KLF8: variants seen among roughly 807,000 people sequenced by gnomAD.
KLF8 encodes the protein KLF transcription factor 8.
A neutral mutation model predicts 18.2 loss-of-function variants in KLF8; 10 were observed. That is an observed-to-expected ratio of 0.55 (90% CI 0.34 to 0.93). The LOEUF is 0.93. Among genes scored for constraint, KLF8 ranks in the 40% least tolerant of loss-of-function variants. KLF8 has a pLI of 0.02. For synonymous variants in KLF8, 109 were observed against 97.3 expected, an observed-to-expected ratio of 1.12 and a Z score of -0.71; for missense variants, 264 against 277.9, an observed-to-expected ratio of 0.95 and a Z score of 0.36.
At chrX:56,020,944 G>A in the KLF8 span, among the ~76,000 whole-genome samples, 1 of 111,474 alleles carries the variant, frequency 9.0e-6, no homozygotes, top group Non-Finnish European at 1.9e-5. Flanking sequence ...TGTTCCCTTT[G>A]CCTCAAATGC....
chrX:56,207,357 C>T, the KLF8 span, among the ~76,000 whole-genome samples: 1 of 112,411 alleles, frequency 8.9e-6, no homozygotes, highest in Non-Finnish European at 1.9e-5. Flanking sequence ...ATTTTATGCT[C>T]TGCTTCCCTT....
chrX:55,976,534 C>G, the KLF8 span, among the ~76,000 whole-genome samples: 5 of 109,344 alleles, frequency 4.6e-5, no homozygotes, highest in African/African-American at 1.7e-4. Context: ...TCACAAATAA[C>G]TTTATTTTTA....
At chrX:56,140,028 G>A in the KLF8 span, among the ~76,000 whole-genome samples, 11 of 111,887 alleles carry the variant, frequency 9.8e-5, no homozygotes, top group African/African-American at 1.9e-4. Flanking sequence ...CTAATCATTA[G>A]AGAAATACAA....
At chrX:56,223,174 G>A in the KLF8 span, among the ~76,000 whole-genome samples, 1 of 113,115 alleles carries the variant, frequency 8.8e-6, no homozygotes, top group Non-Finnish European at 1.9e-5. Flanking sequence ...GGAGTGATAT[G>A]TTATGTGATC....
At chrX:56,017,319 A>G in the KLF8 span, among the ~76,000 whole-genome samples, 1 of 112,397 alleles carries the variant, frequency 8.9e-6, no homozygotes, top group African/African-American at 3.2e-5. Context: ...TCCAAGCACA[A>G]TGGCAGCCAG....
chrX:56,155,868 G>A, the KLF8 span, among the ~76,000 whole-genome samples: 1 of 111,119 alleles, frequency 9.0e-6, no homozygotes, highest in South Asian at 3.8e-4. Flanking sequence ...TTCCGTGTGT[G>A]CTCAATACTT....
the KLF8 span, among the ~76,000 whole-genome samples, chrX:56,059,243 T>C: frequency 8.9e-6 from 1 of 112,268 alleles, no homozygotes; most frequent in Non-Finnish European, 1.9e-5. Context: ...TTGTAGATTC[T>C]GGATATTAGC....
chrX:56,062,683 G>C, the KLF8 span, among the ~76,000 whole-genome samples: 1 of 110,856 alleles, frequency 9.0e-6, no homozygotes, highest in African/African-American at 3.3e-5. Context: ...GGTGTTCTCT[G>C]TATTTCCTGA....
At chrX:56,229,720 G>A (rs1217414357), upstream of KLF8, among the ~76,000 whole-genome samples, 1 of 111,854 alleles carries the variant, frequency 8.9e-6, no homozygotes, top group Non-Finnish European at 1.9e-5. Flanking sequence ...TAAAGGACTT[G>A]AAGGGGAAAT....
At chrX:56,184,279 C>A in the KLF8 span, among the ~76,000 whole-genome samples, 8 of 112,154 alleles carry the variant, frequency 7.1e-5, no homozygotes, top group African/African-American at 2.6e-4. Flanking sequence ...GCTAGCACAG[C>A]AGTCTGAGAT....
chrX:56,058,957 C>G, the KLF8 span, among the ~76,000 whole-genome samples: 2 of 111,787 alleles, frequency 1.8e-5, no homozygotes, highest in Non-Finnish European at 3.8e-5. Context: ...AACTAATTGC[C>G]ACTCCCACCA....
the KLF8 span, among the ~76,000 whole-genome samples, chrX:56,071,250 T>C: frequency 6.3e-5 from 7 of 111,546 alleles, no homozygotes; most frequent in Non-Finnish European, 1.1e-4. Context: ...CCATTTGAAG[T>C]ATTAAAAGAC....
At chrX:56,014,872 T>C in the KLF8 span, 3 of 100,643 alleles carry the variant, frequency 3.0e-5, no homozygotes, top group Non-Finnish European at 6.0e-5. Context: ...GAAGCTGTTA[T>C]CCTCAGCAAA....
the KLF8 span, among the ~76,000 whole-genome samples, chrX:56,162,581 TAA>T: frequency 3.6e-5 from 4 of 111,972 alleles, no homozygotes. Flanking sequence ...GCATAGGATA[TAA>T]TCTCCTGGTG....
chrX:55,946,274 G>A, the KLF8 span, among the ~76,000 whole-genome samples: 9 of 111,597 alleles, frequency 8.1e-5, no homozygotes, highest in African/African-American at 2.6e-4. Flanking sequence ...CATGGTACTG[G>A]TACCAAAACA....
the KLF8 span, among the ~76,000 whole-genome samples, chrX:56,038,500 A>C: frequency 8.9e-6 from 1 of 112,252 alleles, no homozygotes; most frequent in Non-Finnish European, 1.9e-5. Flanking sequence ...TAGTTTGCTA[A>C]GGATAATGGC....
chrX:56,156,052 C>T, the KLF8 span, among the ~76,000 whole-genome samples: 66 of 111,727 alleles, frequency 5.9e-4, no homozygotes, highest in African/African-American at 2.1e-3. Flanking sequence ...GTCCAATCTA[C>T]CATTGATGGG....
chrX:56,084,644 G>T, the KLF8 span, among the ~76,000 whole-genome samples: 3 of 111,732 alleles, frequency 2.7e-5, no homozygotes, highest in Non-Finnish European at 5.6e-5. Flanking sequence ...CCATCTCCTC[G>T]TAAAGCTTTC....
At chrX:55,952,759 A>T in the KLF8 span, among the ~76,000 whole-genome samples, 1 of 112,222 alleles carries the variant, frequency 8.9e-6, no homozygotes, top group Non-Finnish European at 1.9e-5. Context: ...GGGATTAAAG[A>T]TGACACTGGT....
Sources: gnomAD v4.1 joint callset for allele counts (sites outside exome capture counted in the v4.1 genomes callset) on GRCh38, gnomAD v4.1.1 for gene constraint, MANE v1.5 for transcripts, NCBI Gene and HGNC (gene_info 2026-07-23, HGNC 2026-07-21) for gene names.